The following DNMT3B variants were observed in gnomAD, a reference collection of about 807,000 sequenced individuals.
DNMT3B encodes the protein DNA methyltransferase 3 beta, also known as DNA (cytosine-5)-methyltransferase 3B.
DNMT3B carries 37 observed loss-of-function variants against 120.2 expected under a neutral mutation model. That is an observed-to-expected ratio of 0.31 (90% CI 0.24 to 0.40). DNMT3B has a LOEUF of 0.40. DNMT3B is among the 10% of genes least tolerant of loss of function. The pLI is 1.00. For missense variants in DNMT3B, 878 were observed against 1,137.3 expected, an observed-to-expected ratio of 0.77 and a Z score of 3.28; for synonymous variants, 412 against 442.8, an observed-to-expected ratio of 0.93 and a Z score of 0.87.
chr20:32,767,393 C>G (rs950069823), intron 1 of DNMT3B, among the ~76,000 whole-genome samples: 2 of 150,656 alleles, frequency 1.3e-5, no homozygotes, highest in Non-Finnish European at 3.0e-5. Context: ...ATCTGTTCCT[C>G]CACTTGTCCC....
Position 32,800,843 on chromosome 20 carries a change from A to G in DNMT3B, c.1914A>G (p.Glu638=). 6.2e-7 allele frequency: 1 copy of G among 1,614,174 alleles called. No individual in the cohort carries two copies. Among genetic ancestry groups the G allele is most frequent in the East Asian group, 2.2e-5 (1 of 44,884 alleles). ...VRNITKKNIE[E]WGPFDLVIGG... ...CTGTCTCTCTCTTTCAGATTGAAGA[A>G]TGGGGCCCATTTGACTTGGTGATTG... The change falls in exon 18 of 23, where the codon GAA becomes GAG. Residue 638 remains glutamate, a synonymous_variant. Coordinates refer to ENST00000328111, the MANE Select transcript of DNMT3B (RefSeq NM_006892.4).
chr20:32,799,699 G>C (rs1016267030), intron 16 of DNMT3B, among the ~76,000 whole-genome samples: 2 of 151,984 alleles, frequency 1.3e-5, no homozygotes, highest in African/African-American at 2.4e-5. Context: ...TATATTTTTC[G>C]TAGAGACGGG....
At chr20:32,764,487 A>AGGGT (rs1987179017) in intron 1 of DNMT3B, among the ~76,000 whole-genome samples, 1 of 152,132 alleles carries the variant, frequency 6.6e-6, no homozygotes, top group Admixed American at 6.6e-5. Context: ...CACCCCTGCC[A>AGGGT]GCCTCTCCTT....
intron 1 of DNMT3B, among the ~76,000 whole-genome samples, chr20:32,764,603 G>C (rs565695010): frequency 6.6e-6 from 1 of 152,288 alleles, no homozygotes; most frequent in East Asian, 1.9e-4. Flanking sequence ...CGGAGTCTTG[G>C]TTTTGTTTTA....
In DNMT3B at chr20:32,787,143, T is replaced by C. The variant is rs1979382686; in HGVS notation, c.433-87T>C. The C allele has an allele frequency of 6.7e-6, 10 of 1,491,164 alleles. No individual in the cohort carries two copies. The South Asian group carries it at 1.0e-4, about 15-fold the overall frequency. 92.4% of individuals were successfully genotyped at this position (1,491,164 alleles called of 1,614,324 possible). ...AACTTCAGTCTTTCCTCTTTCTTTTTGCCTAGGAGCCATATGGGGGTGCCG... is the reference window on the plus strand; with the variant it reads ...AACTTCAGTCTTTCCTCTTTCTTTTCGCCTAGGAGCCATATGGGGGTGCCG... On this transcript the variant is annotated intron_variant, in intron 5 of 22. Coordinates refer to ENST00000328111, the MANE Select transcript of DNMT3B (RefSeq NM_006892.4).
At chr20:32,771,221 A>T (rs1450158290) in intron 1 of DNMT3B, among the ~76,000 whole-genome samples, 2 of 152,232 alleles carry the variant, frequency 1.3e-5, no homozygotes, top group Non-Finnish European at 2.9e-5. Context: ...TGGTAGAAGA[A>T]CTAAGCTCCC....
At chr20:32,770,749 A>G (rs1420551171) in intron 1 of DNMT3B, among the ~76,000 whole-genome samples, 1 of 151,632 alleles carries the variant, frequency 6.6e-6, no homozygotes, top group Non-Finnish European at 1.5e-5. Flanking sequence ...AGTAGCTGGG[A>G]TTACAGGCAT....
At chr20:32,785,285 C>A (rs1049751182) in intron 4 of DNMT3B, among the ~76,000 whole-genome samples, 26 of 152,248 alleles carry the variant, frequency 1.7e-4, no homozygotes, top group Non-Finnish European at 3.2e-4. Flanking sequence ...GGTGATCCAC[C>A]CACCTTGGCC....
Position 32,784,744 on chromosome 20 carries a change from G to A in DNMT3B, c.205-14G>A, listed in dbSNP as rs1464739533. ...CTGGGGTCTTCATCATGTTCATCAT[G>A]TTTCCTTATAAAGGACTTGACAGGC... On this transcript the variant is annotated splice_polypyrimidine_tract_variant and intron_variant, in intron 3 of 22. Transcript: ENST00000328111. 1 of 1,612,800 alleles carries A rather than the reference G, an allele frequency of 6.2e-7. No individual in the cohort carries two copies. The highest frequency in any genetic ancestry group is 1.3e-5 in the African/African-American group (1 of 74,892).
At chr20:32,800,562 G>A (rs909619657) in intron 17 of DNMT3B, among the ~76,000 whole-genome samples, 11 of 152,108 alleles carry the variant, frequency 7.2e-5, no homozygotes, top group African/African-American at 2.4e-4. Flanking sequence ...GGGTTTAAGC[G>A]ATTCTCTTGC....
chr20:32,787,555 A>G, intron 6 of DNMT3B, 104 bp downstream of exon 6: 2 of 1,283,460 alleles, frequency 1.6e-6, no homozygotes, highest in Non-Finnish European at 2.2e-6. Flanking sequence ...CAGTTGTTAG[A>G]AGTTTCGTAA....
chr20:32,795,699 C>T lies in DNMT3B; in HGVS notation c.1297+5C>T, dbSNP rs754263993. ...ACAACAAGAGCAGCCTGGAAGGTAA[C>T]GTTCTCTCCCTCCCAGTCATCCCCC... is the stretch of plus-strand genomic sequence containing the variant. On this transcript the variant is annotated splice_donor_5th_base_variant and intron_variant, in intron 12 of 22. Transcript: ENST00000328111. The T allele has an allele frequency of 1.7e-5, 27 of 1,613,970 alleles. No homozygotes were observed. Among genetic ancestry groups the T allele is most frequent in the Middle Eastern group, 1.7e-4 (1 of 6,040 alleles).
rs1258876109 is a variant in DNMT3B, at chr20:32,793,833, A to G, written c.1126+238A>G. On this transcript the variant is annotated intron_variant, in intron 10 of 22. Transcript: ENST00000328111. The stretch of plus-strand genomic sequence containing the variant: ...GATTCCTGCTTTCCCCTTTATTAAT[A>G]TTAATACTGTAAGCACTGTCTGATG... Among the ~76,000 whole-genome samples, 7 of 152,072 alleles carry G rather than the reference A, an allele frequency of 4.6e-5. 1 individual carries two copies. In the East Asian group the frequency reaches 9.6e-4, roughly 21 times the overall value.
rs764439256 is a variant in DNMT3B, at chr20:32,786,597, C to T, written c.402C>T (p.Asp134=). The change falls in exon 5 of 23, where the codon GAC becomes GAT. Residue 134 remains aspartate (D), a synonymous_variant. Coordinates refer to ENST00000328111, the MANE Select transcript of DNMT3B (RefSeq NM_006892.4). ...GCCGGCAGGGCCGCAACCATGTGGA[C>T]GAGTCCCCCGTGGAGTTCCCGGCTA... The part of the protein sequence containing the change: ...TRGRQGRNHV[D]ESPVEFPATR... The T allele has an allele frequency of 3.0e-5, 49 of 1,613,848 alleles. No individual in the cohort carries two copies. Among genetic ancestry groups the T allele is most frequent in the Non-Finnish European group, 4.0e-5 (47 of 1,180,058 alleles).
chr20:32,765,555 G>T (rs1173193771), intron 1 of DNMT3B, among the ~76,000 whole-genome samples: 2 of 149,380 alleles, frequency 1.3e-5, no homozygotes, highest in African/African-American at 2.5e-5. Flanking sequence ...CGAGTAGCTG[G>T]GATTACATGC....
intron 3 of DNMT3B, among the ~76,000 whole-genome samples, chr20:32,782,640 A>G (rs1845263831): frequency 1.3e-5 from 2 of 152,236 alleles, no homozygotes. Flanking sequence ...GGCTTTTATT[A>G]ACAGTATATT....
chr20:32,801,426 G>A lies in DNMT3B; in HGVS notation c.2145G>A (p.Glu715=). 6.2e-7 allele frequency: 1 copy of A among 1,613,964 alleles called. No individual in the cohort carries two copies. The highest frequency in any genetic ancestry group is 8.5e-7 in the Non-Finnish European group (1 of 1,180,026). Residue 715 remains glutamate, a splice_region_variant and synonymous_variant, in exon 19 of 23, where the codon GAG becomes GAA. Coordinates refer to ENST00000328111, the MANE Select transcript of DNMT3B (RefSeq NM_006892.4). ...GDKRDISRFL[E]CNPVMIDAIK... is the part of the protein sequence containing the mutation. ...AGAGGGACATCTCACGGTTCCTGGA[G>A]GTGAGGGAATCTGGGGACCTGATTG...
intron 1 of DNMT3B, among the ~76,000 whole-genome samples, chr20:32,774,614 G>A (rs6058880): frequency 0.051 from 7,638 of 148,488 alleles, 386 homozygotes; most frequent in African/African-American, 0.14. Flanking sequence ...ATCCATTACC[G>A]AAAGAGTGAA....
intron 1 of DNMT3B, among the ~76,000 whole-genome samples, chr20:32,764,713 T>C (rs1255672898): frequency 6.6e-6 from 1 of 152,018 alleles, no homozygotes; most frequent in African/African-American, 2.4e-5. Context: ...CCTTTTCCCA[T>C]TGGGGTGGAG....
Sources: gnomAD v4.1 joint callset for allele counts (sites outside exome capture counted in the v4.1 genomes callset) on GRCh38, gnomAD v4.1.1 for gene constraint, MANE v1.5 for transcripts, NCBI Gene and HGNC (gene_info 2026-07-23, HGNC 2026-07-21) for gene names.